The following CDHR1 variants were observed in gnomAD, a reference collection of about 807,000 sequenced individuals.
CDHR1 encodes the protein cadherin related family member 1.
In CDHR1, 61 loss-of-function variants were observed where a neutral mutation model predicts 72.1. That is an observed-to-expected ratio of 0.85 (90% CI 0.69 to 1.05). CDHR1 has a LOEUF of 1.05. CDHR1 is among the 50% of genes least tolerant of loss of function. CDHR1 has a pLI of 0.00. For synonymous variants in CDHR1, 470 were observed against 448.1 expected, an observed-to-expected ratio of 1.05 and a Z score of -0.62; for missense variants, 1,186 against 1,115.7, an observed-to-expected ratio of 1.06 and a Z score of -0.90.
In CDHR1 at chr10:84,217,575, C is replaced by T. The variant is rs1051741443; in HGVS notation, c.*2954C>T. On this transcript the variant is annotated 3_prime_UTR_variant, in exon 17 of 17. Transcript: ENST00000623527. ...ATGGTTGCAGAGAGGATGAAAAGAT[C>T]TAATATATGTAAAGTGCCTAGCACC... 2.0e-6 allele frequency: 2 copies of T among 984,826 alleles called. No individual in the cohort carries two copies. The highest frequency in any genetic ancestry group is 1.7e-5 in the African/African-American group (1 of 57,220). The allele number at this position is 984,826 out of a possible 1,614,324, so 61.0% of individuals were successfully genotyped here.
intron 10 of CDHR1, 89 bp downstream of exon 10, chr10:84,206,016 C>A: frequency 2.1e-6 from 2 of 958,298 alleles, no homozygotes; most frequent in Non-Finnish European, 1.7e-6. Context: ...TTTCCTGGGG[C>A]CCATAGTCTG....
chr10:84,219,508 G>T (rs1316079235), downstream of CDHR1: 3 of 536,416 alleles, frequency 5.6e-6, no homozygotes, highest in Non-Finnish European at 9.0e-6. Flanking sequence ...TCACCTTCAT[G>T]GTAGCCCAGG....
chr10:84,213,725 C>A (rs937118438), intron 16 of CDHR1, among the ~76,000 whole-genome samples: 4 of 152,032 alleles, frequency 2.6e-5, no homozygotes, highest in African/African-American at 4.8e-5. Flanking sequence ...CCCCCTCCCC[C>A]ACTTGCCACA....
chr10:84,203,009 T>A lies in CDHR1; in HGVS notation c.669T>A (p.Asp223Glu), dbSNP rs1473008988. 1 of 1,614,148 alleles carries A rather than the reference T, an allele frequency of 6.2e-7. No homozygotes were observed. Among genetic ancestry groups the A allele is most frequent in the Non-Finnish European group, 8.5e-7 (1 of 1,179,992 alleles). ...GCGGTGGGAGGCTTCATGGGGCTGATGTGGTGTTCTCAGCCACCACCACGG... is the reference window on the plus strand; with the variant it reads ...GCGGTGGGAGGCTTCATGGGGCTGAAGTGGTGTTCTCAGCCACCACCACGG... ...KDGGGRLHGA[D>E]VVFSATTTVT... Residue 223 changes from aspartate (D) to glutamate (E), a missense_variant, in exon 8 of 17, where the codon GAT (aspartate) becomes GAA (glutamate). Coordinates refer to ENST00000623527, the MANE Select transcript of CDHR1 (RefSeq NM_033100.4).
At position 84,205,884 on chromosome 10, in the gene CDHR1, G is replaced by T. The variant is rs200802008; in HGVS notation, c.920G>T (p.Ser307Ile). The T allele has an allele frequency of 2.4e-5, 38 of 1,613,982 alleles. No individual in the cohort carries two copies. The highest frequency in any genetic ancestry group is 3.0e-5 in the Non-Finnish European group (35 of 1,179,986). The change falls in exon 10 of 17, where the codon AGC (serine) becomes ATC (isoleucine). Residue 307 changes from serine (S) to isoleucine (I), a missense_variant. By Grantham distance (142) the Ser-to-Ile change is moderately radical. Transcript: ENST00000623527. ...ETSGAISITQ[S>I]PAQLQREVYE... ...TCTGGAGCCATCTCCATCACTCAGA[G>T]CCCGGCCCAGCTCCAGAGAGAGGTG...
rs200640039 is a variant in CDHR1, at chr10:84,204,566, C to A, written c.823C>A (p.Arg275=). The change falls in exon 9 of 17, where the codon CGG becomes AGG. Residue 275 remains arginine, a synonymous_variant. Coordinates refer to ENST00000623527, the MANE Select transcript of CDHR1 (RefSeq NM_033100.4). ...VLKVVAMDGD[R]GKPNRILYSL... Reference sequence around the variant, plus strand: ...GAAGGTGGTCGCCATGGATGGAGACCGGGGCAAACCCAATCGAATTCTCTA... The same window carrying A: ...GAAGGTGGTCGCCATGGATGGAGACAGGGGCAAACCCAATCGAATTCTCTA... 4 of 1,613,742 alleles carry A rather than the reference C, an allele frequency of 2.5e-6. No individual in the cohort carries two copies. In the South Asian group the frequency reaches 3.3e-5, roughly 13 times the overall value.
At chr10:84,205,958 C>A in intron 10 of CDHR1, 31 bp downstream of exon 10, 1 of 1,533,714 alleles carries the variant, frequency 6.5e-7, no homozygotes, top group East Asian at 2.2e-5. Context: ...TCTTCCCTGC[C>A]CACCTTTGGC....
chr10:84,208,800 C>T lies in CDHR1; in HGVS notation c.1239C>T (p.Val413=), dbSNP rs1042840231. 1 of 1,614,202 alleles carries T rather than the reference C, an allele frequency of 6.2e-7. No homozygotes were observed. Among genetic ancestry groups the T allele is most frequent in the Non-Finnish European group, 8.5e-7 (1 of 1,180,020 alleles). ...RGIFRVVPQT[V]LNEAQVTIIV... ...TCTTCCGAGTGGTTCCACAGACAGT[C>T]CTGAATGAAGCCCAAGTCACAATCA... is the stretch of plus-strand genomic sequence containing the variant. Residue 413 remains valine (V), a synonymous_variant, in exon 12 of 17, where the codon GTC becomes GTT. Transcript: ENST00000623527.
rs190185228 is a variant in CDHR1 at position 84,212,236 on chromosome 10, C to T, written c.1611C>T (p.Asp537=). Residue 537 remains aspartate (D), a synonymous_variant, in exon 15 of 17, where the codon GAC becomes GAT. Transcript: ENST00000623527. ...LIYTQPWASL[D]AEATARYNFY... ...ACACCCAGCCCTGGGCTAGCCTGGACGCTGAGGCCACTGCCAGGTACAACT... is the reference window on the plus strand; with the variant it reads ...ACACCCAGCCCTGGGCTAGCCTGGATGCTGAGGCCACTGCCAGGTACAACT... 7.4e-6 allele frequency: 12 copies of T among 1,614,242 alleles called. No individual in the cohort carries two copies. Among genetic ancestry groups the T allele is most frequent in the East Asian group, 4.5e-5 (2 of 44,892 alleles).
chr10:84,214,949 A>C lies in CDHR1; in HGVS notation c.*328A>C. On this transcript the variant is annotated 3_prime_UTR_variant, in exon 17 of 17. Transcript: ENST00000623527. ...GACGAGAAGCCAGCTCACCCATCCC[A>C]GACCTCACAGTCCCTCAGGTTCTAC... The C allele has an allele frequency of 7.9e-7, 1 of 1,266,752 alleles. No homozygotes were observed. Among genetic ancestry groups the C allele is most frequent in the Non-Finnish European group, 1.0e-6 (1 of 996,276 alleles). 78.5% of individuals were successfully genotyped at this position (1,266,752 alleles called of 1,614,324 possible).
chr10:84,207,722 C>G (rs944112742), intron 10 of CDHR1, among the ~76,000 whole-genome samples: 1 of 152,164 alleles, frequency 6.6e-6, no homozygotes, highest in African/African-American at 2.4e-5. Flanking sequence ...CTCAGCTTGG[C>G]TGGGTCTTCG....
At position 84,213,294 on chromosome 10, in the gene CDHR1, C is replaced by A. The variant is rs1412826702; in HGVS notation, c.1986C>A (p.Gly662=). 1 of 1,614,246 alleles carries A rather than the reference C, an allele frequency of 6.2e-7. No homozygotes were observed. Among genetic ancestry groups the A allele is most frequent in the Admixed American group, 1.7e-5 (1 of 60,036 alleles). Residue 662 remains glycine, a synonymous_variant, in exon 16 of 17, where the codon GGC becomes GGA. Coordinates refer to ENST00000623527, the MANE Select transcript of CDHR1 (RefSeq NM_033100.4). ...WSLEVQAKDR[G]SPSFSTTALL... ...TAGAGGTGCAGGCCAAGGACCGGGG[C>A]TCCCCATCCTTCAGCACCACAGCCT...
At chr10:84,212,068 G>C (rs1297325045) in intron 14 of CDHR1, 111 bp from the exon 15 acceptor site, 9 of 955,904 alleles carry the variant, frequency 9.4e-6, no homozygotes, top group Non-Finnish European at 1.3e-5. Context: ...TGGAGGAGCT[G>C]CATGACACCT....
chr10:84,205,094 T>C (rs1336376609), intron 9 of CDHR1, among the ~76,000 whole-genome samples: 1 of 152,174 alleles, frequency 6.6e-6, no homozygotes, highest in Non-Finnish European at 1.5e-5. Flanking sequence ...CATCATTGTA[T>C]TTGAACCTGA....
Position 84,217,023 on chromosome 10 carries a change from C to CT in CDHR1, c.*2404dup. ...GAACTTGGACCAAGGCAGAGCCAAT[C>CT]TTGCAAACTGGCCATGGATGGGGAA... On this transcript the variant is annotated 3_prime_UTR_variant, in exon 17 of 17. Transcript: ENST00000623527. The CT allele has an allele frequency of 1.0e-6, 1 of 985,594 alleles. No homozygotes were observed. The highest frequency in any genetic ancestry group is 1.2e-6 in the Non-Finnish European group (1 of 830,034). 61.1% of individuals were successfully genotyped at this position (985,594 alleles called of 1,614,324 possible). A position where few individuals can be genotyped will look rare whatever the true frequency, so the allele number is the denominator to read the frequency against.
chr10:84,196,771 AC>A, intron 3 of CDHR1, 121 bp downstream of exon 3: 1 of 1,131,264 alleles, frequency 8.8e-7, no homozygotes, highest in Non-Finnish European at 1.3e-6. Context: ...GAGGGGGCAC[AC>A]CCCAGGCACA....
rs952672248 is a variant in CDHR1, at chr10:84,208,382, G to T, written c.1167+5G>T. 6.2e-7 allele frequency: 1 copy of T among 1,614,134 alleles called. No individual in the cohort carries two copies. The highest frequency in any genetic ancestry group is 1.3e-5 in the African/African-American group (1 of 75,068). On this transcript the variant is annotated splice_donor_5th_base_variant and intron_variant, in intron 11 of 16. Coordinates refer to ENST00000623527, the MANE Select transcript of CDHR1 (RefSeq NM_033100.4). ...ACCGTCAATGACTCCGACCAGGTGT[G>T]TGGTCCTGCCCTCCGCTCTGCCTTC...
chr10:84,196,603 G>A lies in CDHR1; in HGVS notation c.250G>A (p.Asp84Asn), dbSNP rs1435061412. The A allele has an allele frequency of 6.2e-7, 1 of 1,614,048 alleles. No individual in the cohort carries two copies. The highest frequency in any genetic ancestry group is 1.3e-5 in the African/African-American group (1 of 74,928). ...CAGCACTAGAAGCGTCTTTTCTGTT[G>A]ACCCCACTTTTGGAAACATCACCCT... ...DPSTRSVFSV[D>N]PTFGNITLVE... The change falls in exon 3 of 17, where the codon GAC becomes AAC. Residue 84 changes from aspartate (D) to asparagine (N), a missense_variant. Coordinates refer to ENST00000623527, the MANE Select transcript of CDHR1 (RefSeq NM_033100.4).
rs182848262 is a variant in CDHR1, at chr10:84,205,781, T to C, written c.863-46T>C. 1,721 of 1,376,718 alleles carry C rather than the reference T, an allele frequency of 1.3e-3. 12 individuals are homozygous for C. Among genetic ancestry groups the C allele is most frequent in the African/African-American group, 8.0e-3 (569 of 70,746 alleles). The allele number at this position is 1,376,718 out of a possible 1,614,324, so 85.3% of individuals were successfully genotyped here. Reference sequence around the variant, plus strand: ...TCCTGTGGCACGACTCCCCTGCGCCTCCCTGTGGTCCTGTGCAGAACTTCA... The same window carrying C: ...TCCTGTGGCACGACTCCCCTGCGCCCCCCTGTGGTCCTGTGCAGAACTTCA... On this transcript the variant is annotated intron_variant, in intron 9 of 16. Transcript: ENST00000623527.
Sources: allele counts gnomAD v4.1 joint callset (sites outside exome capture counted in the v4.1 genomes callset), GRCh38; gene constraint gnomAD v4.1.1; transcripts MANE v1.5; gene names NCBI Gene and HGNC (gene_info 2026-07-23, HGNC 2026-07-21).